The following MTMR2 variants were observed in gnomAD, a reference collection of about 807,000 sequenced individuals.
MTMR2 encodes the protein myotubularin related protein 2.
A neutral mutation model predicts 86.9 loss-of-function variants in MTMR2; 55 were observed. That is an observed-to-expected ratio of 0.63 (90% CI 0.51 to 0.79). The LOEUF is 0.79. Ranked by LOEUF, MTMR2 falls within the 30% of genes least tolerant of loss-of-function variation. The pLI, the probability that MTMR2 is intolerant of heterozygous loss-of-function variation, is 0.00. For missense variants in MTMR2, 659 were observed against 772.3 expected, an observed-to-expected ratio of 0.85 and a Z score of 1.74; for synonymous variants, 241 against 266.8, an observed-to-expected ratio of 0.90 and a Z score of 0.94.
At chr11:95,913,917 A>C (rs1866604913) in intron 1 of MTMR2, among the ~76,000 whole-genome samples, 1 of 152,190 alleles carries the variant, frequency 6.6e-6, no homozygotes, top group Non-Finnish European at 1.5e-5. Context: ...AGTATCTATA[A>C]CATTTTGCAT....
intron 6 of MTMR2, among the ~76,000 whole-genome samples, chr11:95,858,173 G>T (rs1295406780): frequency 6.6e-6 from 1 of 152,094 alleles, no homozygotes; most frequent in Admixed American, 6.6e-5. Flanking sequence ...CTCAGGGTTT[G>T]CCTACCCTTA....
Position 95,862,059 on chromosome 11 carries a change from CT to C in MTMR2, c.400del (p.Arg134GlufsTer2), listed in dbSNP as rs757740166. 6.2e-7 allele frequency: 1 copy of C among 1,613,922 alleles called. No individual in the cohort carries two copies. Among genetic ancestry groups the C allele is most frequent in the East Asian group, 2.2e-5 (1 of 44,822 alleles). On this transcript the variant is annotated frameshift_variant, in exon 5 of 15. Transcript: ENST00000346299. LOFTEE classifies it high-confidence loss of function. ...VLDASLGVIN[R>X]VEKIGGASSR... ...AGAAGCACCACCAATTTTTTCTACT[CT>C]ATTTATCACACCAAGGGAAGCATCT...
chr11:95,873,978 C>A lies in MTMR2; in HGVS notation c.187-8302G>T, dbSNP rs575215927. Among the ~76,000 whole-genome samples, 578 of 151,924 alleles carry A rather than the reference C, an allele frequency of 3.8e-3. 1 individual carries two copies. The highest frequency in any genetic ancestry group is 6.8e-3 in the Middle Eastern group (2 of 294). ...TGAGAGACAGTTTGTTATAATTTCT[C>A]TTGTTTTACATTTGCTGAGGAGTGC... On this transcript the variant is annotated intron_variant, in intron 2 of 14. Transcript: ENST00000346299.
chr11:95,839,146 A>C (rs949050154), intron 12 of MTMR2, among the ~76,000 whole-genome samples: 1 of 151,854 alleles, frequency 6.6e-6, no homozygotes, highest in Non-Finnish European at 1.5e-5. Flanking sequence ...CTTTGCCTTA[A>C]AGTTTCCTAC....
chr11:95,891,383 A>G (rs1865706852), intron 1 of MTMR2, among the ~76,000 whole-genome samples: 1 of 151,856 alleles, frequency 6.6e-6, no homozygotes, highest in Non-Finnish European at 1.5e-5. Context: ...CCTGGCAGGT[A>G]GAGGTTGCAG....
chr11:95,912,297 A>C (rs1866539896), intron 1 of MTMR2, among the ~76,000 whole-genome samples: 1 of 152,010 alleles, frequency 6.6e-6, no homozygotes, highest in Non-Finnish European at 1.5e-5. Flanking sequence ...ATAAACTAGA[A>C]AACCACATAA....
intron 1 of MTMR2, among the ~76,000 whole-genome samples, chr11:95,888,665 GTAAA>G (rs1212868923): frequency 2.6e-5 from 4 of 151,818 alleles, no homozygotes; most frequent in Non-Finnish European, 5.9e-5. Context: ...ACACAGACAA[GTAAA>G]TAAAGTGGTG....
chr11:95,867,500 C>T (rs1207791155), intron 2 of MTMR2, among the ~76,000 whole-genome samples: 1 of 152,150 alleles, frequency 6.6e-6, no homozygotes, highest in African/African-American at 2.4e-5. Flanking sequence ...ACTTTGAGAA[C>T]CACACATAGG....
rs1863280612 is a variant in MTMR2 at position 95,836,304 on chromosome 11, C to T, written c.1614G>A (p.Val538=). ...GGCTGTTTATGTAAGACCACAGTGA[C>T]ACAGTCCTTTTAGGAAGATTCTGTA... ...RGKENLPKRT[V]SLWSYINSQL... Residue 538 remains valine, a synonymous_variant, in exon 14 of 15, where the codon GTG becomes GTA. Coordinates refer to ENST00000346299, the MANE Select transcript of MTMR2 (RefSeq NM_016156.6). The T allele has an allele frequency of 1.2e-6, 2 of 1,612,680 alleles. No homozygotes were observed. The highest frequency in any genetic ancestry group is 2.2e-5 in the East Asian group (1 of 44,880).
intron 1 of MTMR2, among the ~76,000 whole-genome samples, chr11:95,904,958 T>C (rs1866202435): frequency 6.6e-6 from 1 of 152,112 alleles, no homozygotes; most frequent in Non-Finnish European, 1.5e-5. Flanking sequence ...CCAACAAAAA[T>C]GCTTTTGTCA....
chr11:95,892,770 C>G (rs1006273388), intron 1 of MTMR2, among the ~76,000 whole-genome samples: 1 of 152,164 alleles, frequency 6.6e-6, no homozygotes, highest in Non-Finnish European at 1.5e-5. Flanking sequence ...ACTACTAATT[C>G]TCTTCCTAAT....
intron 2 of MTMR2, among the ~76,000 whole-genome samples, chr11:95,868,622 A>G (rs1864728242): frequency 6.6e-6 from 1 of 152,136 alleles, no homozygotes; most frequent in Non-Finnish European, 1.5e-5. Flanking sequence ...CAAAAAGTCC[A>G]ATATATAATT....
rs552750984 is a variant in MTMR2 at position 95,869,812 on chromosome 11, G to A, written c.187-4136C>T. On this transcript the variant is annotated intron_variant, in intron 2 of 14. Coordinates refer to ENST00000346299, the MANE Select transcript of MTMR2 (RefSeq NM_016156.6). ...TGCCTTCAGCAAGACAGTCCATATC[G>A]TATGGGTCCATTTATATGAAATTCT... Among the ~76,000 whole-genome samples, 50 of 148,740 alleles carry A rather than the reference G, an allele frequency of 3.4e-4. 1 individual carries two copies. The South Asian group carries it at 9.6e-3, about 28-fold the overall frequency.
chr11:95,892,975 C>G (rs1430163203), intron 1 of MTMR2, among the ~76,000 whole-genome samples: 1 of 152,120 alleles, frequency 6.6e-6, no homozygotes, highest in Non-Finnish European at 1.5e-5. Flanking sequence ...GCTGAACTCT[C>G]AGGCTTCTAC....
At chr11:95,895,587 T>A (rs557061620) in intron 1 of MTMR2, among the ~76,000 whole-genome samples, 109 of 152,244 alleles carry the variant, frequency 7.2e-4, no homozygotes, top group African/African-American at 2.2e-3. Flanking sequence ...AAAATTTTTT[T>A]AAAAACAGAC....
At chr11:95,851,097 C>T (rs12276489) in intron 7 of MTMR2, among the ~76,000 whole-genome samples, 20,030 of 130,566 alleles carry the variant, frequency 0.15, 1,956 homozygotes, top group African/African-American at 0.29. Context: ...GAGTCTCACT[C>T]TGTCGCCCAG....
intron 1 of MTMR2, among the ~76,000 whole-genome samples, chr11:95,913,340 A>C (rs1420495266): frequency 6.6e-6 from 1 of 152,110 alleles, no homozygotes. Flanking sequence ...GGAAAACCAC[A>C]ACCTTTCCTG....
chr11:95,910,239 C>T (rs1220806289), intron 1 of MTMR2, among the ~76,000 whole-genome samples: 3 of 151,734 alleles, frequency 2.0e-5, no homozygotes, highest in Non-Finnish European at 4.4e-5. Flanking sequence ...TCAATGTAAC[C>T]GTTAGAAAAG....
At chr11:95,895,595 G>A (rs2135566780) in intron 1 of MTMR2, among the ~76,000 whole-genome samples, 1 of 152,156 alleles carries the variant, frequency 6.6e-6, no homozygotes, top group South Asian at 2.1e-4. Context: ...TTTAAAAACA[G>A]ACAATAGCAG....
Sources: gnomAD v4.1 joint callset for allele counts (sites outside exome capture counted in the v4.1 genomes callset) on GRCh38, gnomAD v4.1.1 for gene constraint, MANE v1.5 for transcripts, NCBI Gene and HGNC (gene_info 2026-07-23, HGNC 2026-07-21) for gene names.